Variants in KCNJ15 observed in about 807,000 individuals in gnomAD.
KCNJ15 encodes the protein ATP-sensitive inward rectifier potassium channel 15.
KCNJ15 carries 14 observed loss-of-function variants against 23.0 expected under a neutral mutation model. The observed-to-expected ratio is 0.61, with a 90% CI of 0.40 to 0.95. The LOEUF is 0.95. KCNJ15 is among the 40% of genes least tolerant of loss of function. KCNJ15 has a pLI of 0.00. For missense variants in KCNJ15, 388 were observed against 461.8 expected, an observed-to-expected ratio of 0.84 and a Z score of 1.46; for synonymous variants, 185 against 183.2, an observed-to-expected ratio of 1.01 and a Z score of -0.08.
intron 1 of KCNJ15, among the ~76,000 whole-genome samples, chr21:38,281,010 T>C (rs1487248113): frequency 6.6e-6 from 1 of 152,204 alleles, no homozygotes; most frequent in Non-Finnish European, 1.5e-5. Flanking sequence ...CCGTTTGCTA[T>C]GCAGAGTGTG....
At chr21:38,269,311 GC>G (rs1981830601) in intron 1 of KCNJ15, among the ~76,000 whole-genome samples, 2 of 152,144 alleles carry the variant, frequency 1.3e-5, no homozygotes, top group South Asian at 4.2e-4. Flanking sequence ...AAACTTTCAA[GC>G]TTTTTTTTTA....
intron 1 of KCNJ15, among the ~76,000 whole-genome samples, chr21:38,243,181 AT>A (rs1003970035): frequency 1.0e-4 from 15 of 148,450 alleles, no homozygotes; most frequent in African/African-American, 2.0e-4. Context: ...TTCTTTTCTG[AT>A]TTTTTTTTTC....
chr21:38,269,156 T>TC (rs1239883438), intron 1 of KCNJ15: 1 of 152,206 alleles, frequency 6.6e-6, no homozygotes, highest in African/African-American at 2.4e-5. Context: ...GAATGAGCAT[T>TC]CTCAAAATGA....
intron 1 of KCNJ15, among the ~76,000 whole-genome samples, chr21:38,294,731 T>C (rs569904834): frequency 6.6e-6 from 1 of 152,324 alleles, no homozygotes; most frequent in Admixed American, 6.5e-5. Flanking sequence ...GCTAAGTACC[T>C]TTTTCAATGT....
At chr21:38,246,130 G>A (rs1979358450) in intron 1 of KCNJ15, among the ~76,000 whole-genome samples, 1 of 152,140 alleles carries the variant, frequency 6.6e-6, no homozygotes. Context: ...TAGACATAAG[G>A]CATTTAAATC....
chr21:38,280,028 T>C (rs1430878247), intron 1 of KCNJ15, among the ~76,000 whole-genome samples: 1 of 152,156 alleles, frequency 6.6e-6, no homozygotes, highest in Non-Finnish European at 1.5e-5. Flanking sequence ...ACAACTCCCC[T>C]CAAGTGGCAA....
At chr21:38,270,153 C>T (rs554946937) in intron 1 of KCNJ15, among the ~76,000 whole-genome samples, 1 of 152,272 alleles carries the variant, frequency 6.6e-6, no homozygotes, top group South Asian at 2.1e-4. Flanking sequence ...TGGGGCCTTA[C>T]CTCTTCTACA....
Position 38,245,470 on chromosome 21 carries a change from C to T in KCNJ15, c.-398-11576C>T, listed in dbSNP as rs138489298. ...AAGAAAAAAGGAGGGCTACCATCTGCCTTCCAATCTCTTCAGCTGGGAACC... is the reference window on the plus strand; with the variant it reads ...AAGAAAAAAGGAGGGCTACCATCTGTCTTCCAATCTCTTCAGCTGGGAACC... On this transcript the variant is annotated intron_variant, in intron 1 of 4. Coordinates refer to the KCNJ15 transcript ENST00000547341. Among the ~76,000 whole-genome samples the T allele has an allele frequency of 2.6e-3, 388 of 152,014 alleles. 1 individual carries two copies. Among genetic ancestry groups the T allele is most frequent in the African/African-American group, 8.9e-3 (369 of 41,462 alleles).
At chr21:38,271,431 C>T (rs374515851) in intron 1 of KCNJ15, among the ~76,000 whole-genome samples, 1 of 152,100 alleles carries the variant, frequency 6.6e-6, no homozygotes, top group Non-Finnish European at 1.5e-5. Flanking sequence ...CAAACTCAGG[C>T]GGAAGCAACA....
rs1213637252 is a variant in KCNJ15, at chr21:38,240,042, C to T, written c.-398-17004C>T. Among the ~76,000 whole-genome samples, 16 of 152,146 alleles carry T rather than the reference C, an allele frequency of 1.1e-4. No individual in the cohort carries two copies. In the South Asian group the frequency reaches 3.3e-3, roughly 32 times the overall value. On this transcript the variant is annotated intron_variant, in intron 1 of 4. Coordinates refer to the KCNJ15 transcript ENST00000547341. Reference sequence around the variant, plus strand: ...AGCCTCTAGTTTTGGAGTGTATGCCCTATTTTTTCTCCATGAATAGTTTGA... The same window carrying T: ...AGCCTCTAGTTTTGGAGTGTATGCCTTATTTTTTCTCCATGAATAGTTTGA...
At chr21:38,297,693 C>G (rs1985301741) in intron 2 of KCNJ15, among the ~76,000 whole-genome samples, 1 of 152,180 alleles carries the variant, frequency 6.6e-6, no homozygotes, top group African/African-American at 2.4e-5. Context: ...TCAATTATAT[C>G]CTGTACTTTT....
rs186209387 is a variant in KCNJ15 at position 38,306,242 on chromosome 21, C to T, written c.*5853C>T. 1.2e-4 allele frequency: 18 copies of T among 152,246 alleles called. No homozygotes were observed. In the East Asian group the frequency reaches 3.5e-3, roughly 29 times the overall value. The allele number at this position is 152,246 out of a possible 1,614,324, so 9.4% of individuals were successfully genotyped here. A position where few individuals can be genotyped will look rare whatever the true frequency, so the allele number is the denominator to read the frequency against. On this transcript the variant is annotated 3_prime_UTR_variant, in exon 3 of 3. Transcript: ENST00000398938. ...TTCAAGGCCAAATCTTATCTGGTGTCCATGCCTTCCCACCTACTTAAAATT... is the reference window on the plus strand; with the variant it reads ...TTCAAGGCCAAATCTTATCTGGTGTTCATGCCTTCCCACCTACTTAAAATT...
intron 1 of KCNJ15, among the ~76,000 whole-genome samples, chr21:38,274,283 A>T (rs930618806): frequency 1.3e-5 from 2 of 152,226 alleles, no homozygotes; most frequent in African/African-American, 4.8e-5. Context: ...GTGACTCAAA[A>T]GCTAGCCAAG....
rs71184612 is a variant in KCNJ15 at position 38,288,030 on chromosome 21, GTTTTTT to G, written c.-116-8873_-116-8868del. Among the ~76,000 whole-genome samples, 392 of 81,362 alleles carry G rather than the reference GTTTTTT, an allele frequency of 4.8e-3. 3 individuals are homozygous for G. Among genetic ancestry groups the G allele is most frequent in the African/African-American group, 0.019 (380 of 19,814 alleles). The allele number at this position is 81,362 out of a possible 152,430, so 53.4% of individuals were successfully genotyped here. ...TGTTAAATAACTTGTTTTTTTCTTT[GTTTTTT>G]TTTTTTTTTTTTTTTTTTTTTTGAG... On this transcript the variant is annotated intron_variant, in intron 1 of 2. Coordinates refer to ENST00000398938, the MANE Select transcript of KCNJ15 (RefSeq NM_170736.3).
At chr21:38,295,812 A>G (rs1018749550) in intron 1 of KCNJ15, among the ~76,000 whole-genome samples, 15 of 152,344 alleles carry the variant, frequency 9.8e-5, no homozygotes, top group Admixed American at 2.6e-4. Context: ...TTAAGAGCCT[A>G]TGATGAAGTG....
intron 1 of KCNJ15, among the ~76,000 whole-genome samples, chr21:38,235,577 G>A (rs1182662655): frequency 6.6e-6 from 1 of 152,168 alleles, no homozygotes; most frequent in Non-Finnish European, 1.5e-5. Context: ...AACAAAAAAA[G>A]TTGAGCTGGA....
At chr21:38,241,641 T>C (rs1310267892) in intron 1 of KCNJ15, among the ~76,000 whole-genome samples, 3 of 152,140 alleles carry the variant, frequency 2.0e-5, no homozygotes, top group Non-Finnish European at 4.4e-5. Flanking sequence ...CTTCATGAAT[T>C]ATCTCACATT....
At chr21:38,238,323 C>T in intron 1 of KCNJ15, 1 of 716,076 alleles carries the variant, frequency 1.4e-6, no homozygotes, top group Non-Finnish European at 2.6e-6. Flanking sequence ...GGTCTTCCTG[C>T]CTTCGGAGGG....
At chr21:38,231,365 C>T (rs1006487858) in intron 1 of KCNJ15, among the ~76,000 whole-genome samples, 3 of 151,778 alleles carry the variant, frequency 2.0e-5, no homozygotes, top group Non-Finnish European at 4.4e-5. Context: ...TTTCTACATA[C>T]CAAATTATGT....
Sources: allele counts gnomAD v4.1 joint callset (sites outside exome capture counted in the v4.1 genomes callset), GRCh38; gene constraint gnomAD v4.1.1; transcripts MANE v1.5; gene names NCBI Gene and HGNC (gene_info 2026-07-23, HGNC 2026-07-21).